XRRA1: variants seen among roughly 807,000 people sequenced by gnomAD.
The protein encoded by XRRA1 is X-ray radiation resistance associated 1.
A neutral mutation model predicts 80.2 loss-of-function variants in XRRA1; 69 were observed. The ratio of observed to expected loss-of-function variants is 0.86; its 90% CI spans 0.71 to 1.05. The LOEUF is 1.05. Ranked by LOEUF, XRRA1 falls within the 50% of genes least tolerant of loss-of-function variation. The pLI, the probability that XRRA1 is intolerant of heterozygous loss-of-function variation, is 0.00. For synonymous variants in XRRA1, 348 were observed against 389.9 expected, an observed-to-expected ratio of 0.89 and a Z score of 1.27; for missense variants, 967 against 976.4, an observed-to-expected ratio of 0.99 and a Z score of 0.13.
At chr11:74,868,740 TA>T (rs999694293) in intron 10 of XRRA1, among the ~76,000 whole-genome samples, 152 of 142,582 alleles carry the variant, frequency 1.1e-3, no homozygotes, top group East Asian at 3.2e-3. Flanking sequence ...CAACAAAGAT[TA>T]AAAAAAAAAA....
intron 10 of XRRA1, among the ~76,000 whole-genome samples, chr11:74,875,671 C>G (rs2045885626): frequency 6.6e-6 from 1 of 152,102 alleles, no homozygotes; most frequent in Non-Finnish European, 1.5e-5. Context: ...GAGTTCGAGA[C>G]CAGCCTGGCC....
intron 10 of XRRA1, among the ~76,000 whole-genome samples, chr11:74,882,210 T>G (rs2047815692): frequency 6.6e-6 from 1 of 151,826 alleles, no homozygotes; most frequent in South Asian, 2.1e-4. Context: ...TGCTCATTTC[T>G]TTTTATTCTT....
intron 10 of XRRA1, among the ~76,000 whole-genome samples, chr11:74,897,413 G>A (rs1350205099): frequency 1.3e-5 from 2 of 151,998 alleles, no homozygotes; most frequent in Non-Finnish European, 2.9e-5. Flanking sequence ...TTAAAGAGGA[G>A]GTAGAACATG....
At chr11:74,935,487 C>T (rs1944728566) in intron 4 of XRRA1, among the ~76,000 whole-genome samples, 1 of 151,978 alleles carries the variant, frequency 6.6e-6, no homozygotes, top group African/African-American at 2.4e-5. Flanking sequence ...TGATGGTGGC[C>T]CAGATAAGGG....
chr11:74,845,152 A>G lies in XRRA1; in HGVS notation c.1848T>C (p.Thr616=), dbSNP rs1313366605. Residue 616 remains threonine (T), a synonymous_variant, in exon 16 of 19, where the codon ACT becomes ACC. Transcript: ENST00000684022. ...CGTGGTACTTGCTGGGAAGGAAGGC[A>G]GTTGGGAGTTTCCTCCGAGTCCCTT... is the stretch of plus-strand genomic sequence containing the variant. ...EVKGTRRKLP[T]AFLPSKYHGY... is the part of the protein sequence containing the mutation. 2.5e-6 allele frequency: 4 copies of G among 1,613,954 alleles called. No homozygotes were observed. The highest frequency in any genetic ancestry group is 3.4e-6 in the Non-Finnish European group (4 of 1,179,910).
At chr11:74,888,577 T>C (rs1423597976) in intron 10 of XRRA1, among the ~76,000 whole-genome samples, 1 of 152,204 alleles carries the variant, frequency 6.6e-6, no homozygotes, top group Non-Finnish European at 1.5e-5. Flanking sequence ...AGAATGACTT[T>C]GACGAGTTGA....
chr11:74,939,351 C>T (rs1317698957), intron 3 of XRRA1, among the ~76,000 whole-genome samples: 1 of 151,742 alleles, frequency 6.6e-6, no homozygotes. Context: ...GACTCCATCT[C>T]AAAAAAAGAA....
At chr11:74,892,170 G>C (rs1266305623) in intron 10 of XRRA1, among the ~76,000 whole-genome samples, 5 of 152,304 alleles carry the variant, frequency 3.3e-5, no homozygotes, top group African/African-American at 1.2e-4. Flanking sequence ...CAAGGCTACA[G>C]TAACCAAAAC....
chr11:74,919,034 C>G (rs1052282001), intron 8 of XRRA1: 1 of 152,236 alleles, frequency 6.6e-6, no homozygotes, highest in Non-Finnish European at 1.5e-5. Context: ...TGGTTATCAA[C>G]GCTTCTTACT....
chr11:74,870,671 C>T (rs2044580161), intron 10 of XRRA1, among the ~76,000 whole-genome samples: 1 of 152,178 alleles, frequency 6.6e-6, no homozygotes, highest in Non-Finnish European at 1.5e-5. Context: ...AGGTCTACAG[C>T]ACCACCTAGT....
chr11:74,857,522 C>T (rs921554441), intron 12 of XRRA1, among the ~76,000 whole-genome samples: 19 of 152,162 alleles, frequency 1.2e-4, no homozygotes, highest in East Asian at 1.9e-4. Flanking sequence ...TTCACAACCA[C>T]GTCTGGAGAT....
At chr11:74,877,552 G>A (rs531020448) in intron 10 of XRRA1, among the ~76,000 whole-genome samples, 3,120 of 151,354 alleles carry the variant, frequency 0.021, 120 homozygotes, top group African/African-American at 0.072. Flanking sequence ...ATGCTGGTGC[G>A]CTGCACCCAC....
At chr11:74,878,327 A>G (rs1454784790) in intron 10 of XRRA1, among the ~76,000 whole-genome samples, 1 of 151,186 alleles carries the variant, frequency 6.6e-6, no homozygotes, top group Non-Finnish European at 1.5e-5. Flanking sequence ...TTTTTCTTGT[A>G]AATTTGTTTG....
intron 10 of XRRA1, chr11:74,863,450 A>G (rs79502903): frequency 0.011 from 1,782 of 165,356 alleles, 48 homozygotes; most frequent in African/African-American, 0.04. Context: ...AAAAATGTAT[A>G]TAGAAGACAT....
chr11:74,937,813 T>C (rs1362070847), intron 3 of XRRA1, among the ~76,000 whole-genome samples: 2 of 152,250 alleles, frequency 1.3e-5, no homozygotes, highest in African/African-American at 4.8e-5. Context: ...ATTCATTGTC[T>C]GTCTCCCTCT....
chr11:74,946,815 T>C (rs1223726328), intron 1 of XRRA1, among the ~76,000 whole-genome samples: 1 of 151,548 alleles, frequency 6.6e-6, no homozygotes, highest in Non-Finnish European at 1.5e-5. Flanking sequence ...GCAGTGTCGC[T>C]ATCTCAGCTC....
chr11:74,915,413 A>G (rs1172841223), intron 8 of XRRA1, among the ~76,000 whole-genome samples: 2 of 152,178 alleles, frequency 1.3e-5, no homozygotes, highest in Non-Finnish European at 2.9e-5. Flanking sequence ...AACCCAATCC[A>G]TGAATGTCAG....
intron 14 of XRRA1, among the ~76,000 whole-genome samples, chr11:74,849,347 G>A (rs533683306): frequency 1.2e-4 from 18 of 152,292 alleles, no homozygotes; most frequent in Non-Finnish European, 2.4e-4. Flanking sequence ...ATGAAATGGT[G>A]TGTGCAAATG....
chr11:74,924,305 C>T (rs1941684192), intron 7 of XRRA1, among the ~76,000 whole-genome samples: 2 of 149,972 alleles, frequency 1.3e-5, no homozygotes, highest in South Asian at 4.2e-4. Context: ...GAAACCCCGT[C>T]TCTACTAAAA....
Sources: allele counts gnomAD v4.1 joint callset (sites outside exome capture counted in the v4.1 genomes callset), GRCh38; gene constraint gnomAD v4.1.1; transcripts MANE v1.5; gene names NCBI Gene and HGNC (gene_info 2026-07-23, HGNC 2026-07-21).